The following EPG5 variants were observed in gnomAD, a reference collection of about 807,000 sequenced individuals.
The protein encoded by EPG5 is ectopic P-granules 5 autophagy tethering factor.
A neutral mutation model predicts 302.7 loss-of-function variants in EPG5; 159 were observed. That is an observed-to-expected ratio of 0.53 (90% CI 0.46 to 0.60). The LOEUF (loss-of-function observed/expected upper bound fraction) is 0.60, where lower values mean the gene tolerates loss of function less well. Among genes scored for constraint, EPG5 ranks in the 20% least tolerant of loss-of-function variants. The pLI, the probability that EPG5 is intolerant of heterozygous loss-of-function variation, is 0.00. For synonymous variants in EPG5, 1,158 were observed against 1,136.8 expected (o/e 1.02, Z -0.37); for missense variants, 2,896 against 3,092.4 (o/e 0.94, Z 1.51).
In EPG5 at chr18:45,849,988, G is replaced by A. The variant is rs1199949367; in HGVS notation, c.*2479C>T. On this transcript the variant is annotated 3_prime_UTR_variant, in exon 44 of 44. Transcript: ENST00000282041. ...ATAGGCAGTGGGACAACATGATTCC[G>A]GGATGCAGCCTGCCTCTGCAACCCA... The A allele has an allele frequency of 1.3e-5, 2 of 152,192 alleles. No individual in the cohort carries two copies. Among genetic ancestry groups the A allele is most frequent in the African/African-American group, 4.8e-5 (2 of 41,422 alleles). 9.4% of individuals were successfully genotyped at this position (152,192 alleles called of 1,614,324 possible).
In EPG5 at chr18:45,866,915, G is replaced by T. The variant is rs1253248984; in HGVS notation, c.6504C>A (p.Phe2168Leu). 6.2e-7 allele frequency: 1 copy of T among 1,613,948 alleles called. No individual in the cohort carries two copies. Among genetic ancestry groups the T allele is most frequent in the African/African-American group, 1.3e-5 (1 of 74,922 alleles). The stretch of plus-strand genomic sequence containing the variant: ...TGATGGACGGCGGGTAATGGCTGCT[G>T]AAATAACTTAGCACACTCTGGTACG... The part of the protein sequence containing the change: ...IVSYQSVLSY[F>L]SSHYPPSIIL... Residue 2168 changes from phenylalanine (F) to leucine (L), a missense_variant, in exon 38 of 44, where the codon TTC (phenylalanine) becomes TTA (leucine). Transcript: ENST00000282041.
chr18:45,806,843 T>A, the EPG5 span, among the ~76,000 whole-genome samples: 1 of 152,028 alleles, frequency 6.6e-6, no homozygotes, highest in Non-Finnish European at 1.5e-5. Flanking sequence ...TGAAACAATT[T>A]GAACTGGTGG....
At chr18:45,874,884 G>A (rs2048939648) in intron 35 of EPG5, among the ~76,000 whole-genome samples, 1 of 152,216 alleles carries the variant, frequency 6.6e-6, no homozygotes, top group Non-Finnish European at 1.5e-5. Context: ...AACAGATGCT[G>A]AAACCAGCCA....
At chr18:45,880,001 A>G (rs2049056036) in intron 32 of EPG5, 74 bp downstream of exon 32, 2 of 1,455,118 alleles carry the variant, frequency 1.4e-6, no homozygotes, top group Non-Finnish European at 1.8e-6. Context: ...CAAGTTTTCC[A>G]ACTGCTTAAA....
chr18:45,837,764 C>T, the EPG5 span: 54 of 1,521,432 alleles, frequency 3.5e-5, no homozygotes, highest in Non-Finnish European at 4.6e-5. Context: ...CAACCCGCGC[C>T]GCAACGACCT....
At chr18:45,860,392 C>A (rs375201671) in intron 39 of EPG5, 46 bp from the exon 40 acceptor site, 40 of 1,612,384 alleles carry the variant, frequency 2.5e-5, no homozygotes, top group Non-Finnish European at 3.2e-5. Context: ...CAGAAAGGTA[C>A]TATCCATGTG....
intron 16 of EPG5, 28 bp downstream of exon 16, chr18:45,922,313 A>C: frequency 6.2e-7 from 1 of 1,606,988 alleles, no homozygotes; most frequent in Non-Finnish European, 8.5e-7. Context: ...AGGTTCAGTA[A>C]CCCTAGTGGT....
intron 32 of EPG5, 113 bp from the exon 33 acceptor site, chr18:45,879,327 G>A: frequency 1.4e-6 from 1 of 698,664 alleles, no homozygotes; most frequent in Non-Finnish European, 2.4e-6. Context: ...TAAGAGAGTG[G>A]CAAAAATATA....
chr18:45,841,858 T>G, the EPG5 span, among the ~76,000 whole-genome samples: 1 of 152,130 alleles, frequency 6.6e-6, no homozygotes, highest in Non-Finnish European at 1.5e-5. Flanking sequence ...GTCAGGGACA[T>G]GGAGCCAGTC....
chr18:45,881,170 A>G (rs988243357), intron 31 of EPG5, among the ~76,000 whole-genome samples: 3 of 152,190 alleles, frequency 2.0e-5, no homozygotes, highest in African/African-American at 4.8e-5. Flanking sequence ...TGTTATTCTT[A>G]AGTCTGAATT....
intron 12 of EPG5, among the ~76,000 whole-genome samples, chr18:45,929,976 T>C (rs2050363413): frequency 6.6e-6 from 1 of 152,224 alleles, no homozygotes; most frequent in Non-Finnish European, 1.5e-5. Context: ...AGGAGATATT[T>C]TGTATGCAGA....
At chr18:45,869,777 A>G (rs2145300743) in intron 36 of EPG5, among the ~76,000 whole-genome samples, 1 of 152,336 alleles carries the variant, frequency 6.6e-6, no homozygotes, top group East Asian at 1.9e-4. Context: ...AGTTAAGTAT[A>G]TTTTGCTAAC....
At chr18:45,840,500 C>T in the EPG5 span, among the ~76,000 whole-genome samples, 233 of 152,322 alleles carry the variant, frequency 1.5e-3, 1 homozygote, top group African/African-American at 5.3e-3. Flanking sequence ...GTTTCCCCTC[C>T]ACATTCTTGA....
chr18:45,838,741 T>C, the EPG5 span: 1 of 1,580,372 alleles, frequency 6.3e-7, no homozygotes, highest in East Asian at 2.3e-5. Flanking sequence ...CGTCAACATC[T>C]CGGTGCTGCC....
intron 31 of EPG5, among the ~76,000 whole-genome samples, chr18:45,880,794 A>G (rs1449424990): frequency 6.6e-6 from 1 of 152,174 alleles, no homozygotes; most frequent in African/African-American, 2.4e-5. Flanking sequence ...TATCTCCTAA[A>G]GTACTTTCCA....
chr18:45,946,842 C>A, intron 6 of EPG5, 74 bp from the exon 7 acceptor site: 1 of 1,164,256 alleles, frequency 8.6e-7, no homozygotes, highest in Non-Finnish European at 1.3e-6. Flanking sequence ...CTCTACTCAC[C>A]CTGAAGAAGA....
chr18:45,918,863 G>A (rs1406942582), intron 16 of EPG5, among the ~76,000 whole-genome samples: 3 of 152,184 alleles, frequency 2.0e-5, no homozygotes. Flanking sequence ...AAGAGTCATT[G>A]TACAAGAGTG....
chr18:45,936,770 A>T (rs1599609790), intron 10 of EPG5, among the ~76,000 whole-genome samples: 1 of 144,766 alleles, frequency 6.9e-6, no homozygotes, highest in African/African-American at 2.7e-5. Context: ...ACAGCAACTT[A>T]CCTGTTATTA....
In EPG5 at chr18:45,925,430, G is replaced by A. The variant is rs1418742706; in HGVS notation, c.2718+308C>T. On this transcript the variant is annotated intron_variant, in intron 14 of 43. Coordinates refer to ENST00000282041, the MANE Select transcript of EPG5 (RefSeq NM_020964.3). ...GGAGGTTGCAGTGAGCCAAGATAGTGCCACCGCACTCCAGCCTGGGTGACA... is the reference window on the plus strand; with the variant it reads ...GGAGGTTGCAGTGAGCCAAGATAGTACCACCGCACTCCAGCCTGGGTGACA... 2.6e-5 allele frequency among the ~76,000 whole-genome samples: 4 copies of A among 152,184 alleles called. No homozygotes were observed. In the East Asian group the frequency reaches 5.8e-4, roughly 22 times the overall value.
Sources: gnomAD v4.1 joint callset for allele counts (sites outside exome capture counted in the v4.1 genomes callset) on GRCh38, gnomAD v4.1.1 for gene constraint, MANE v1.5 for transcripts, NCBI Gene and HGNC (gene_info 2026-07-23, HGNC 2026-07-21) for gene names.